The following CACNA2D1 variants were observed in gnomAD, a reference collection of about 807,000 sequenced individuals.
The protein encoded by CACNA2D1 is calcium voltage-gated channel auxiliary subunit alpha2delta 1, also known as voltage-dependent calcium channel subunit alpha-2/delta-1.
CACNA2D1 carries 53 observed loss-of-function variants against 171.5 expected under a neutral mutation model. That is an observed-to-expected ratio of 0.31 (90% CI 0.25 to 0.39). The LOEUF (loss-of-function observed/expected upper bound fraction) is 0.39, where lower values mean the gene tolerates loss of function less well. Among genes scored for constraint, CACNA2D1 ranks in the 10% least tolerant of loss-of-function variants. CACNA2D1 has a pLI of 1.00. For synonymous variants in CACNA2D1, 442 were observed against 443.1 expected (o/e 1.00, Z 0.03); for missense variants, 903 against 1,299.8 (o/e 0.69, Z 4.69).
intron 21 of CACNA2D1, among the ~76,000 whole-genome samples, chr7:81,990,738 G>A (rs1187505819): frequency 6.6e-6 from 1 of 152,142 alleles, no homozygotes; most frequent in Non-Finnish European, 1.5e-5. Context: ...CCGAAGCCCA[G>A]CCAATGGGAG....
intron 27 of CACNA2D1, 74 bp from the exon 28 acceptor site, chr7:81,970,058 T>G (rs576965387): frequency 2.2e-5 from 20 of 895,302 alleles, no homozygotes; most frequent in Non-Finnish European, 3.8e-5. Context: ...GTGGACTTGC[T>G]GAGCTTTACA....
intron 34 of CACNA2D1, among the ~76,000 whole-genome samples, chr7:81,963,583 C>A (rs964531431): frequency 6.6e-6 from 1 of 151,826 alleles, no homozygotes; most frequent in East Asian, 1.9e-4. Context: ...AGATCCATGT[C>A]GGCAACCTGA....
At chr7:82,375,305 G>C (rs1274594065) in intron 1 of CACNA2D1, among the ~76,000 whole-genome samples, 1 of 152,144 alleles carries the variant, frequency 6.6e-6, no homozygotes, top group Non-Finnish European at 1.5e-5. Flanking sequence ...GTGGCTGCTT[G>C]CATTTCAGGT....
intron 12 of CACNA2D1, chr7:82,027,756 A>G (rs1802122272): frequency 6.6e-6 from 1 of 151,714 alleles, no homozygotes; most frequent in African/African-American, 2.4e-5. Flanking sequence ...AGTAATTCTT[A>G]GAATAGTTTA....
At chr7:81,986,381 A>T (rs1364474008) in intron 21 of CACNA2D1, among the ~76,000 whole-genome samples, 1 of 151,984 alleles carries the variant, frequency 6.6e-6, no homozygotes, top group African/African-American at 2.4e-5. Flanking sequence ...AATTTTTAAT[A>T]ATTTCAACTT....
chr7:82,057,760 C>T (rs1348691014), intron 10 of CACNA2D1, among the ~76,000 whole-genome samples: 3 of 152,088 alleles, frequency 2.0e-5, no homozygotes, highest in Non-Finnish European at 4.4e-5. Flanking sequence ...TCATAGGCCC[C>T]AGGAGGAGTA....
intron 10 of CACNA2D1, among the ~76,000 whole-genome samples, chr7:82,041,867 A>G (rs148263640): frequency 1.1e-4 from 16 of 152,326 alleles, no homozygotes; most frequent in African/African-American, 3.4e-4. Flanking sequence ...TACAGGAAAT[A>G]TTATTAACTG....
At chr7:82,227,552 T>C (rs889063381) in intron 3 of CACNA2D1, among the ~76,000 whole-genome samples, 11 of 152,174 alleles carry the variant, frequency 7.2e-5, no homozygotes, top group African/African-American at 2.7e-4. Flanking sequence ...TGGATAAACA[T>C]GTCCCTAGAA....
intron 10 of CACNA2D1, among the ~76,000 whole-genome samples, chr7:82,047,870 C>T (rs965296179): frequency 5.3e-5 from 8 of 152,100 alleles, no homozygotes; most frequent in African/African-American, 9.7e-5. Context: ...TAACTAAAAT[C>T]GGAATGCTGT....
chr7:82,024,146 G>GTT (rs148094297), intron 12 of CACNA2D1, among the ~76,000 whole-genome samples: 1 of 147,758 alleles, frequency 6.8e-6, no homozygotes, highest in African/African-American at 2.5e-5. Flanking sequence ...CCTAACTTCA[G>GTT]TTTTTTTTTT....
At chr7:81,977,670 A>G (rs1795990374) in intron 24 of CACNA2D1, among the ~76,000 whole-genome samples, 1 of 152,228 alleles carries the variant, frequency 6.6e-6, no homozygotes, top group Admixed American at 6.5e-5. Context: ...CATTCAGGGC[A>G]TAGGCATGGG....
At chr7:81,976,971 T>TA (rs1390600406) in intron 24 of CACNA2D1, among the ~76,000 whole-genome samples, 1 of 152,232 alleles carries the variant, frequency 6.6e-6, no homozygotes, top group Non-Finnish European at 1.5e-5. Context: ...TGGGGTTTTC[T>TA]AAATATACAA....
Position 82,025,168 on chromosome 7 carries a change from A to G in CACNA2D1, c.1143+7629T>C, listed in dbSNP as rs542238234. 8.6e-5 allele frequency among the ~76,000 whole-genome samples: 13 copies of G among 151,466 alleles called. No homozygotes were observed. In the East Asian group the frequency reaches 1.7e-3, roughly 20 times the overall value. On this transcript the variant is annotated intron_variant, in intron 12 of 38. Transcript: ENST00000356860. Reference sequence around the variant, plus strand: ...TATATGTATTTTAGAATTTTTTTCTATTTTTATTAAAAATGCCATTGGGAT... The same window carrying G: ...TATATGTATTTTAGAATTTTTTTCTGTTTTTATTAAAAATGCCATTGGGAT...
At chr7:82,270,428 G>A (rs1585285943) in intron 3 of CACNA2D1, among the ~76,000 whole-genome samples, 1 of 152,106 alleles carries the variant, frequency 6.6e-6, no homozygotes, top group South Asian at 2.1e-4. Context: ...GAAATATTTT[G>A]TTCTTTTTAT....
intron 4 of CACNA2D1, among the ~76,000 whole-genome samples, chr7:82,158,418 T>C (rs1794592015): frequency 6.6e-6 from 1 of 151,888 alleles, no homozygotes; most frequent in South Asian, 2.1e-4. Flanking sequence ...TAATGACAGG[T>C]TGCTATATAC....
intron 7 of CACNA2D1, among the ~76,000 whole-genome samples, chr7:82,084,143 T>C (rs1810148743): frequency 6.6e-6 from 1 of 152,216 alleles, no homozygotes. Context: ...CATTTTGTTA[T>C]AGAAATTACT....
chr7:82,441,496 C>A (rs1830499889), intron 1 of CACNA2D1, among the ~76,000 whole-genome samples: 1 of 152,074 alleles, frequency 6.6e-6, no homozygotes, highest in Non-Finnish European at 1.5e-5. Context: ...CCCATTTTAA[C>A]CCACTATATA....
At chr7:82,229,932 AC>A (rs1168779821) in intron 3 of CACNA2D1, among the ~76,000 whole-genome samples, 1 of 152,204 alleles carries the variant, frequency 6.6e-6, no homozygotes, top group Non-Finnish European at 1.5e-5. Flanking sequence ...TATAATTGCC[AC>A]AAAAATGTAG....
At chr7:82,157,426 A>G (rs1193730679) in intron 4 of CACNA2D1, among the ~76,000 whole-genome samples, 1 of 152,046 alleles carries the variant, frequency 6.6e-6, no homozygotes, top group Non-Finnish European at 1.5e-5. Context: ...CATGTATTCC[A>G]CCATTTCCCA....
Sources: allele counts gnomAD v4.1 joint callset (sites outside exome capture counted in the v4.1 genomes callset), GRCh38; gene constraint gnomAD v4.1.1; transcripts MANE v1.5; gene names NCBI Gene and HGNC (gene_info 2026-07-23, HGNC 2026-07-21).